The following LRP1B variants were observed in gnomAD, a reference collection of about 807,000 sequenced individuals.
LRP1B encodes LDL receptor related protein 1B.
LRP1B carries 217 observed loss-of-function variants against 556.6 expected under a neutral mutation model. The observed-to-expected ratio is 0.39, with a 90% confidence interval of 0.35 to 0.44. LRP1B has a LOEUF of 0.44. Among genes scored for constraint, LRP1B ranks in the 20% least tolerant of loss-of-function variants. The probability of loss-of-function intolerance (pLI) is 1.00; values close to 1 mark genes in which losing one functional copy is unlikely to be tolerated. For missense variants in LRP1B, 5,053 were observed against 5,620.8 expected, an observed-to-expected ratio of 0.90 and a Z score of 3.23; for synonymous variants, 2,047 against 1,865.8, an observed-to-expected ratio of 1.10 and a Z score of -2.50.
At chr2:141,262,011 A>G (rs1047339767) in intron 3 of LRP1B, among the ~76,000 whole-genome samples, 5 of 152,158 alleles carry the variant, frequency 3.3e-5, no homozygotes, top group African/African-American at 1.2e-4. Context: ...CAATATATCA[A>G]TCTTCCAGCT....
intron 86 of LRP1B, among the ~76,000 whole-genome samples, chr2:140,266,756 C>G (rs1386069359): frequency 1.3e-5 from 2 of 151,972 alleles, no homozygotes; most frequent in Admixed American, 6.6e-5. Flanking sequence ...ACGTATAAAG[C>G]CTCCCACTCT....
intron 1 of LRP1B, among the ~76,000 whole-genome samples, chr2:142,037,629 C>T (rs1323367056): frequency 1.3e-5 from 2 of 151,606 alleles, no homozygotes; most frequent in Non-Finnish European, 3.0e-5. Flanking sequence ...GAAATGTACT[C>T]TCTGAGTGCA....
At chr2:140,629,603 G>A (rs1315237433) in intron 41 of LRP1B, among the ~76,000 whole-genome samples, 1 of 152,124 alleles carries the variant, frequency 6.6e-6, no homozygotes, top group East Asian at 1.9e-4. Flanking sequence ...GGAATACTAT[G>A]TAGTTGTCTG....
intron 53 of LRP1B, among the ~76,000 whole-genome samples, chr2:140,505,808 C>T (rs905295710): frequency 2.0e-5 from 3 of 152,174 alleles, no homozygotes; most frequent in Admixed American, 6.5e-5. Context: ...AAATCTGTTG[C>T]CTTCTATGAG....
intron 1 of LRP1B, among the ~76,000 whole-genome samples, chr2:142,062,516 T>C (rs1463315298): frequency 6.6e-6 from 1 of 151,796 alleles, no homozygotes; most frequent in African/African-American, 2.4e-5. Context: ...ATTTTGATGT[T>C]GATGTCTACT....
chr2:141,852,830 G>C (rs1460396383), intron 1 of LRP1B, among the ~76,000 whole-genome samples: 1 of 150,386 alleles, frequency 6.6e-6, no homozygotes, highest in African/African-American at 2.4e-5. Context: ...AATGCCAAAA[G>C]AAAACCAGTA....
At chr2:140,973,221 T>G (rs1327967540) in intron 18 of LRP1B, among the ~76,000 whole-genome samples, 1 of 151,750 alleles carries the variant, frequency 6.6e-6, no homozygotes, top group Non-Finnish European at 1.5e-5. Flanking sequence ...AGAATTCTAA[T>G]TATTAGGTCA....
intron 32 of LRP1B, among the ~76,000 whole-genome samples, chr2:140,795,942 C>CTT (rs1355068323): frequency 1.3e-5 from 2 of 151,972 alleles, no homozygotes; most frequent in East Asian, 3.9e-4. Flanking sequence ...ACTCAAACAT[C>CTT]TTTTATTAAT....
chr2:141,528,370 C>T (rs1352295905), intron 2 of LRP1B, among the ~76,000 whole-genome samples: 2 of 151,820 alleles, frequency 1.3e-5, no homozygotes, highest in East Asian at 1.9e-4. Context: ...CACTACATTG[C>T]TATTCATAGA....
intron 3 of LRP1B, among the ~76,000 whole-genome samples, chr2:141,292,647 C>T (rs1686021473): frequency 6.6e-6 from 1 of 152,102 alleles, no homozygotes; most frequent in African/African-American, 2.4e-5. Flanking sequence ...CTGTAGTATT[C>T]CTCCCGATAA....
chr2:142,033,792 G>T (rs6718349), intron 1 of LRP1B, among the ~76,000 whole-genome samples: 2 of 151,658 alleles, frequency 1.3e-5, no homozygotes, highest in Non-Finnish European at 3.0e-5. Flanking sequence ...AATTAAGGTA[G>T]GTACTCCACC....
chr2:141,431,381 C>G (rs4387728), intron 3 of LRP1B, among the ~76,000 whole-genome samples: 69,446 of 151,442 alleles, frequency 0.46, 16,019 homozygotes, highest in South Asian at 0.6. Flanking sequence ...CAGATGACAG[C>G]CAGCAAGGAA....
chr2:140,785,223 G>T (rs1318459622), intron 32 of LRP1B, among the ~76,000 whole-genome samples: 3 of 152,102 alleles, frequency 2.0e-5, no homozygotes, highest in Non-Finnish European at 4.4e-5. Flanking sequence ...AAACATAAAA[G>T]ACAGCATTGT....
At chr2:141,091,429 A>T (rs1700169407) in intron 7 of LRP1B, among the ~76,000 whole-genome samples, 1 of 152,218 alleles carries the variant, frequency 6.6e-6, no homozygotes, top group South Asian at 2.1e-4. Flanking sequence ...ACAACAAAAA[A>T]CATTGCTTCC....
At chr2:140,834,231 G>GTT (rs141543709) in intron 31 of LRP1B, among the ~76,000 whole-genome samples, 1 of 151,930 alleles carries the variant, frequency 6.6e-6, no homozygotes, top group Non-Finnish European at 1.5e-5. Flanking sequence ...ATTGCCATCT[G>GTT]TTTTTTATTT....
chr2:141,215,089 G>A (rs563465742), intron 6 of LRP1B, among the ~76,000 whole-genome samples: 63 of 152,204 alleles, frequency 4.1e-4, no homozygotes, highest in Middle Eastern at 3.4e-3. Context: ...GGGTTATGGG[G>A]GTAGATCCCT....
intron 3 of LRP1B, among the ~76,000 whole-genome samples, chr2:141,340,106 A>T (rs1324094652): frequency 6.6e-6 from 1 of 152,188 alleles, no homozygotes; most frequent in Admixed American, 6.5e-5. Flanking sequence ...CACCCATCTC[A>T]TTTATAGTTT....
chr2:140,914,003 G>A (rs752965696), intron 21 of LRP1B, among the ~76,000 whole-genome samples: 8 of 152,066 alleles, frequency 5.3e-5, no homozygotes, highest in Non-Finnish European at 1.2e-4. Flanking sequence ...AAGCAGTTTG[G>A]GGCCCCTAAT....
At chr2:142,115,166 G>A (rs1210565358) in intron 1 of LRP1B, among the ~76,000 whole-genome samples, 1 of 151,886 alleles carries the variant, frequency 6.6e-6, no homozygotes, top group East Asian at 1.9e-4. Context: ...TTAAGAGAGT[G>A]CATTCAGTTA....
Sources: gnomAD v4.1 joint callset for allele counts (sites outside exome capture counted in the v4.1 genomes callset) on GRCh38, gnomAD v4.1.1 for gene constraint, MANE v1.5 for transcripts, NCBI Gene and HGNC (gene_info 2026-07-23, HGNC 2026-07-21) for gene names.